The following ANO1 variants were observed in gnomAD, a reference collection of about 807,000 sequenced individuals.
ANO1 encodes the protein anoctamin 1.
Under a neutral mutation model 124.0 loss-of-function variants are expected in ANO1, and 59 were observed. The ratio of observed to expected loss-of-function variants is 0.48; its 90% CI spans 0.39 to 0.59. The LOEUF is 0.59. ANO1 is among the 20% of genes least tolerant of loss of function. The pLI is 0.00. For synonymous variants in ANO1, 529 were observed against 532.0 expected (o/e 0.99, Z 0.08); for missense variants, 1,059 against 1,328.0 (o/e 0.80, Z 3.15).
chr11:70,147,308 ATCT>A (rs2047418870), intron 11 of ANO1, among the ~76,000 whole-genome samples: 2 of 152,134 alleles, frequency 1.3e-5, no homozygotes, highest in East Asian at 1.9e-4. Flanking sequence ...GCCAAAGGAC[ATCT>A]TCAAGGAGGC....
chr11:70,092,650 G>A (rs2044678117), intron 2 of ANO1, among the ~76,000 whole-genome samples: 1 of 152,208 alleles, frequency 6.6e-6, no homozygotes, highest in Non-Finnish European at 1.5e-5. Flanking sequence ...GCTTTGAGAT[G>A]TGAGGAGTGT....
upstream of ANO1, among the ~76,000 whole-genome samples, chr11:69,981,055 A>G (rs2120253213): frequency 6.6e-6 from 1 of 152,368 alleles, no homozygotes; most frequent in African/African-American, 2.4e-5. Flanking sequence ...CCTTTACAAA[A>G]AAATAAAAAA....
intron 1 of ANO1, among the ~76,000 whole-genome samples, chr11:70,029,792 C>T (rs1443681324): frequency 6.6e-6 from 1 of 152,202 alleles, no homozygotes; most frequent in African/African-American, 2.4e-5. Context: ...GCCCTTCCTG[C>T]CTCTTCGAGC....
the ANO1 span, among the ~76,000 whole-genome samples, chr11:69,980,431 T>C: frequency 6.6e-6 from 1 of 151,738 alleles, no homozygotes; most frequent in Non-Finnish European, 1.5e-5. Flanking sequence ...CCATCCTGGC[T>C]AACACGGTGA....
intron 7 of ANO1, among the ~76,000 whole-genome samples, chr11:70,112,784 C>G (rs182051440): frequency 1.3e-5 from 2 of 152,276 alleles, no homozygotes; most frequent in East Asian, 1.9e-4. Context: ...GTCTCGAACT[C>G]CTGACCTCAA....
the ANO1 span, among the ~76,000 whole-genome samples, chr11:69,967,235 G>A: frequency 0.047 from 7,015 of 149,886 alleles, 229 homozygotes; most frequent in East Asian, 0.14. Flanking sequence ...CGTATCACAC[G>A]TTAGCTAGCA....
intron 1 of ANO1, chr11:70,014,816 T>A (rs883973): frequency 0.39 from 58,015 of 149,484 alleles, 11,605 homozygotes; most frequent in East Asian, 0.49. Context: ...TGTCCTTTTT[T>A]ATTTTTGTTT....
the ANO1 span, among the ~76,000 whole-genome samples, chr11:69,980,495 C>T: frequency 1.3e-5 from 2 of 151,824 alleles, no homozygotes; most frequent in Non-Finnish European, 2.9e-5. Flanking sequence ...GTGGTGGGCG[C>T]CTGTAGTCCC....
chr11:70,147,236 G>A, intron 11 of ANO1, among the ~76,000 whole-genome samples: 1 of 152,238 alleles, frequency 6.6e-6, no homozygotes, highest in Non-Finnish European at 1.5e-5. Flanking sequence ...CGGGGGCCTT[G>A]CAGACCAGGC....
the ANO1 span, among the ~76,000 whole-genome samples, chr11:69,979,687 C>T: frequency 1.3e-5 from 2 of 152,178 alleles, no homozygotes; most frequent in Non-Finnish European, 2.9e-5. Flanking sequence ...CCTCATTCTT[C>T]CTTTTCCTCC....
At chr11:70,087,543 C>T (rs553208983) in intron 1 of ANO1, among the ~76,000 whole-genome samples, 5 of 152,282 alleles carry the variant, frequency 3.3e-5, no homozygotes, top group Middle Eastern at 6.8e-3. Flanking sequence ...ACCTCCTTCT[C>T]GAAGTTCAGC....
chr11:70,062,063 CTTTCTTTTTTT>C (rs1439438115), intron 1 of ANO1, among the ~76,000 whole-genome samples: 2 of 76,700 alleles, frequency 2.6e-5, no homozygotes, highest in African/African-American at 8.4e-5. Context: ...CTCTTTCCTT[CTTTCTTTTTTT>C]TTTTTTTTTT....
chr11:70,161,877 C>T, intron 18 of ANO1, 144 bp downstream of exon 18: 1 of 756,872 alleles, frequency 1.3e-6, no homozygotes, highest in South Asian at 1.7e-5. Flanking sequence ...AGGGAGAAGG[C>T]CTGGGCCCTG....
intron 1 of ANO1, among the ~76,000 whole-genome samples, chr11:70,037,250 A>C (rs1857110240): frequency 6.6e-6 from 1 of 152,002 alleles, no homozygotes; most frequent in Non-Finnish European, 1.5e-5. Context: ...TGTGACAGGG[A>C]CCTGGGCAAT....
intron 22 of ANO1, among the ~76,000 whole-genome samples, chr11:70,177,123 G>A (rs560239863): frequency 6.6e-6 from 1 of 152,264 alleles, no homozygotes; most frequent in East Asian, 1.9e-4. Context: ...CCGGTTGGGC[G>A]ATCACCTGGG....
intron 1 of ANO1, among the ~76,000 whole-genome samples, chr11:70,055,044 C>T (rs372990231): frequency 2.0e-5 from 3 of 152,150 alleles, no homozygotes; most frequent in Non-Finnish European, 4.4e-5. Context: ...CACTTAATTT[C>T]CAAACGCTGA....
rs1481202540 is a variant in ANO1, at chr11:70,161,698, C to T, written c.1857C>T (p.Tyr619=). The part of the protein sequence containing the change: ...KAFLLKFVNS[Y]TPIFYVAFFK... Reference sequence around the variant, plus strand: ...TCCTGCTGAAGTTTGTGAATTCCTACACCCCCATCTTTTACGTGGCGTTCT... The same window carrying T: ...TCCTGCTGAAGTTTGTGAATTCCTATACCCCCATCTTTTACGTGGCGTTCT... Residue 619 remains tyrosine, a synonymous_variant, in exon 18 of 26, where the codon TAC becomes TAT. Coordinates refer to ENST00000355303, the MANE Select transcript of ANO1 (RefSeq NM_018043.7). The T allele has an allele frequency of 1.9e-6, 3 of 1,613,930 alleles. No individual in the cohort carries two copies. Among genetic ancestry groups the T allele is most frequent in the Non-Finnish European group, 8.5e-7 (1 of 1,179,904 alleles).
chr11:70,170,841 G>A, intron 21 of ANO1, 46 bp from the exon 22 acceptor site: 1 of 1,597,050 alleles, frequency 6.3e-7, no homozygotes, highest in Non-Finnish European at 8.5e-7. Flanking sequence ...CCCCCTTATG[G>A]GCTGTGGCTC....
intron 1 of ANO1, among the ~76,000 whole-genome samples, chr11:70,037,222 C>T (rs1857109352): frequency 6.6e-6 from 1 of 152,020 alleles, no homozygotes; most frequent in South Asian, 2.1e-4. Context: ...TTGAGATTTG[C>T]AGGCAGGGAA....
Sources: allele counts gnomAD v4.1 joint callset (sites outside exome capture counted in the v4.1 genomes callset), GRCh38; gene constraint gnomAD v4.1.1; transcripts MANE v1.5; gene names NCBI Gene and HGNC (gene_info 2026-07-23, HGNC 2026-07-21).